Variants in SMAD3 observed in about 807,000 individuals in gnomAD.
SMAD3 encodes MAD homolog 3.
In SMAD3, 12 loss-of-function variants were observed where a neutral mutation model predicts 51.8. The ratio of observed to expected loss-of-function variants is 0.23; its 90% CI spans 0.15 to 0.38. The LOEUF (loss-of-function observed/expected upper bound fraction) is 0.38. SMAD3 is among the 10% of genes least tolerant of loss of function. The pLI is 1.00. For missense variants in SMAD3, 294 were observed against 565.6 expected (o/e 0.52, Z 4.87); for synonymous variants, 238 against 227.7 (o/e 1.05, Z -0.41).
At chr15:67,094,091 A>G (rs1027622562) in intron 1 of SMAD3, among the ~76,000 whole-genome samples, 1 of 152,150 alleles carries the variant, frequency 6.6e-6, no homozygotes, top group Admixed American at 6.5e-5. Flanking sequence ...TTGACCACCA[A>G]TCCTGTGGAG....
intron 1 of SMAD3, among the ~76,000 whole-genome samples, chr15:67,131,253 G>C (rs2140252976): frequency 6.6e-6 from 1 of 152,350 alleles, no homozygotes; most frequent in East Asian, 1.9e-4. Context: ...CTGAGGCTCA[G>C]GGAGTGTCAG....
At chr15:67,108,668 G>A (rs1283026122) in intron 1 of SMAD3, among the ~76,000 whole-genome samples, 3 of 152,170 alleles carry the variant, frequency 2.0e-5, no homozygotes, top group Non-Finnish European at 2.9e-5. Flanking sequence ...ACTGGTCTCT[G>A]GGTCGGAGGC....
At chr15:67,068,526 G>A (rs1396287516) in intron 1 of SMAD3, among the ~76,000 whole-genome samples, 1 of 152,160 alleles carries the variant, frequency 6.6e-6, no homozygotes, top group South Asian at 2.1e-4. Context: ...ACGTGTGAAC[G>A]CTTTGGATGA....
At chr15:67,142,912 C>T (rs1181658252) in intron 1 of SMAD3, 3 of 440,426 alleles carry the variant, frequency 6.8e-6, no homozygotes, top group East Asian at 7.5e-5. Context: ...GCATACCCGT[C>T]GGCTCACTCC....
intron 1 of SMAD3, chr15:67,098,809 C>T (rs1394252807): frequency 1.9e-5 from 13 of 690,592 alleles, no homozygotes; most frequent in South Asian, 9.1e-5. Flanking sequence ...GCATCCCCAG[C>T]GGGGGTCTGA....
intron 8 of SMAD3, 53 bp from the exon 9 acceptor site, chr15:67,190,360 C>T: frequency 6.4e-7 from 1 of 1,556,664 alleles, no homozygotes; most frequent in Non-Finnish European, 8.9e-7. Flanking sequence ...CTTGTGTAAC[C>T]CCCTGGAGAT....
At chr15:67,183,744 G>A (rs969278407) in intron 6 of SMAD3, among the ~76,000 whole-genome samples, 25 of 152,160 alleles carry the variant, frequency 1.6e-4, no homozygotes, top group South Asian at 2.1e-4. Context: ...CAGAGTTTAC[G>A]CAACTGTTTG....
chr15:67,188,009 G>T (rs1019878023), intron 8 of SMAD3, among the ~76,000 whole-genome samples: 5 of 152,084 alleles, frequency 3.3e-5, no homozygotes, highest in Non-Finnish European at 7.4e-5. Context: ...AGGGACCCTG[G>T]TGATGCTGAG....
Position 67,193,712 on chromosome 15 carries a change from AC to A in SMAD3, c.*3178del, listed in dbSNP as rs1462007585. ...GTGTTGTATTTTTTTTTTTTTATTG[AC>A]CATGGTGATTATTTTTTTAAACCAT... is the stretch of plus-strand genomic sequence containing the variant. On this transcript the variant is annotated 3_prime_UTR_variant, in exon 9 of 9. Coordinates refer to ENST00000327367, the MANE Select transcript of SMAD3 (RefSeq NM_005902.4). 1 of 231,760 alleles carries A rather than the reference AC, an allele frequency of 4.3e-6. No homozygotes were observed. The highest frequency in any genetic ancestry group is 8.5e-6 in the Non-Finnish European group (1 of 117,388). The allele number at this position is 231,760 out of a possible 1,614,324, so 14.4% of individuals were successfully genotyped here.
chr15:67,152,116 A>T (rs1325135420), intron 1 of SMAD3, among the ~76,000 whole-genome samples: 3 of 152,176 alleles, frequency 2.0e-5, no homozygotes, highest in African/African-American at 7.2e-5. Flanking sequence ...TGAGACCTTT[A>T]ACAAATTTCT....
chr15:67,131,199 G>A (rs1045169960), intron 1 of SMAD3, among the ~76,000 whole-genome samples: 17 of 152,234 alleles, frequency 1.1e-4, no homozygotes, highest in Non-Finnish European at 2.4e-4. Flanking sequence ...GGCTTCGCAT[G>A]TGTAAATCTC....
chr15:67,065,771 CG>C lies in SMAD3; in HGVS notation c.-379del. The C allele has an allele frequency of 5.0e-6, 1 of 200,704 alleles. No homozygotes were observed. The highest frequency in any genetic ancestry group is 7.3e-5 in the East Asian group (1 of 13,670). The allele number at this position is 200,704 out of a possible 1,614,324, so 12.4% of individuals were successfully genotyped here. A position where few individuals can be genotyped will look rare whatever the true frequency, so the allele number is the denominator to read the frequency against. ...GCTAGCGAGGCGAGCGAAGTTTGGC[CG>C]GGGGTTGGACTTTCCTTCCCGGAGG... On this transcript the variant is annotated 5_prime_UTR_variant, in exon 1 of 9. Transcript: ENST00000327367.
At chr15:67,169,766 G>A (rs538926737) in intron 4 of SMAD3, among the ~76,000 whole-genome samples, 3 of 151,924 alleles carry the variant, frequency 2.0e-5, no homozygotes, top group Admixed American at 6.6e-5. Flanking sequence ...CCCGGCCTCC[G>A]CAGCCTTCTT....
chr15:67,184,118 T>G (rs1963155916), intron 6 of SMAD3, among the ~76,000 whole-genome samples: 1 of 150,764 alleles, frequency 6.6e-6, no homozygotes, highest in Admixed American at 6.6e-5. Context: ...TTTTTTTTTT[T>G]GGAGTTAGGG....
chr15:67,190,787 T>C lies in SMAD3; in HGVS notation c.*251T>C. 1.8e-6 allele frequency: 1 copy of C among 560,816 alleles called. No individual in the cohort carries two copies. The highest frequency in any genetic ancestry group is 3.0e-5 in the East Asian group (1 of 33,554). The allele number at this position is 560,816 out of a possible 1,614,324, so 34.7% of individuals were successfully genotyped here. Reference sequence around the variant, plus strand: ...GAAGGGCAAGAAATGGCGTCTGCTCTGGTGGCTTAAGTGAGCAGAACAGGT... The same window carrying C: ...GAAGGGCAAGAAATGGCGTCTGCTCCGGTGGCTTAAGTGAGCAGAACAGGT... On this transcript the variant is annotated 3_prime_UTR_variant, in exon 9 of 9. Transcript: ENST00000327367.
chr15:67,176,576 CAT>C (rs976988291), intron 5 of SMAD3, among the ~76,000 whole-genome samples: 1 of 152,234 alleles, frequency 6.6e-6, no homozygotes, highest in African/African-American at 2.4e-5. Flanking sequence ...ATCTCTTGCA[CAT>C]GTTTTTAATA....
chr15:67,181,595 G>A, intron 6 of SMAD3, 142 bp downstream of exon 6: 2 of 756,486 alleles, frequency 2.6e-6, no homozygotes, highest in Non-Finnish European at 2.2e-6. Context: ...TGGGCATGGG[G>A]GAAGACTCAC....
At chr15:67,173,403 ATG>A (rs1360107468) in intron 5 of SMAD3, among the ~76,000 whole-genome samples, 1 of 152,102 alleles carries the variant, frequency 6.6e-6, no homozygotes, top group African/African-American at 2.4e-5. Flanking sequence ...AGGTTGTGCC[ATG>A]TGTGAGCGGG....
At chr15:67,176,038 GT>G (rs1962883930) in intron 5 of SMAD3, among the ~76,000 whole-genome samples, 1 of 152,218 alleles carries the variant, frequency 6.6e-6, no homozygotes. Flanking sequence ...CCTGGTTGCA[GT>G]ATGCTGGTCA....
Sources: gnomAD v4.1 joint callset for allele counts (sites outside exome capture counted in the v4.1 genomes callset) on GRCh38, gnomAD v4.1.1 for gene constraint, MANE v1.5 for transcripts, NCBI Gene and HGNC (gene_info 2026-07-23, HGNC 2026-07-21) for gene names.